The following CTNNA3 variants were observed in gnomAD, a reference collection of about 807,000 sequenced individuals.
CTNNA3 encodes the protein catenin alpha-3.
Under a neutral mutation model 95.7 loss-of-function variants are expected in CTNNA3, and 76 were observed. That is an observed-to-expected ratio of 0.79 (90% confidence interval 0.66 to 0.96). The LOEUF is 0.96. Among genes scored for constraint, CTNNA3 ranks in the 40% least tolerant of loss-of-function variants. The probability of loss-of-function intolerance (pLI) is 0.00; values close to 1 mark genes in which losing one functional copy is unlikely to be tolerated. For synonymous variants in CTNNA3, 431 were observed against 374.4 expected, an observed-to-expected ratio of 1.15 and a Z score of -1.74; for missense variants, 1,191 against 1,089.8, an observed-to-expected ratio of 1.09 and a Z score of -1.31.
chr10:66,064,474 T>C (rs190376514), intron 15 of CTNNA3, among the ~76,000 whole-genome samples: 9 of 152,322 alleles, frequency 5.9e-5, no homozygotes, highest in East Asian at 1.9e-4. Context: ...TTTCTGATTA[T>C]GCAATTTGAA....
At chr10:67,230,161 A>G (rs1865120915) in intron 5 of CTNNA3, among the ~76,000 whole-genome samples, 1 of 152,224 alleles carries the variant, frequency 6.6e-6, no homozygotes, top group South Asian at 2.1e-4. Context: ...ACCCAGAAAT[A>G]AACCCAAATA....
chr10:66,203,400 T>C (rs2087559422), intron 13 of CTNNA3, among the ~76,000 whole-genome samples: 1 of 152,150 alleles, frequency 6.6e-6, no homozygotes, highest in Admixed American at 6.5e-5. Context: ...TATTTCTGAA[T>C]AGTGATAAGC....
intron 13 of CTNNA3, among the ~76,000 whole-genome samples, chr10:66,235,872 A>G (rs910094425): frequency 6.6e-6 from 1 of 152,180 alleles, no homozygotes; most frequent in Non-Finnish European, 1.5e-5. Flanking sequence ...GAATGCTCAT[A>G]TACATTGAAT....
chr10:66,745,192 T>C (rs1838811011), intron 9 of CTNNA3, among the ~76,000 whole-genome samples: 1 of 152,194 alleles, frequency 6.6e-6, no homozygotes, highest in African/African-American at 2.4e-5. Flanking sequence ...TAACATCTTA[T>C]TTGTTAGCTT....
intron 5 of CTNNA3, among the ~76,000 whole-genome samples, chr10:67,301,661 T>C (rs1840277756): frequency 1.3e-5 from 2 of 152,050 alleles, no homozygotes. Flanking sequence ...GGAATGCAAT[T>C]TTGCCTTTAA....
chr10:67,244,616 T>TCA (rs1865841926), intron 5 of CTNNA3, among the ~76,000 whole-genome samples: 1 of 152,186 alleles, frequency 6.6e-6, no homozygotes, highest in African/African-American at 2.4e-5. Flanking sequence ...TCAGAAATTG[T>TCA]TAGATAATGA....
rs891519374 is a variant in CTNNA3 at position 67,321,923 on chromosome 10, T to C, written c.580-102053A>G. Among the ~76,000 whole-genome samples the C allele has an allele frequency of 2.0e-5, 3 of 152,248 alleles. No homozygotes were observed. In the South Asian group the frequency reaches 6.2e-4, roughly 32 times the overall value. The stretch of plus-strand genomic sequence containing the variant: ...TTGCTCAGGTGGAATATTTGTGTCA[T>C]ATTAATATTTATTTTTCACCTCCCT... On this transcript the variant is annotated intron_variant, in intron 5 of 17. Transcript: ENST00000433211.
At chr10:67,508,019 TG>T (rs1839482353) in intron 5 of CTNNA3, among the ~76,000 whole-genome samples, 1 of 152,138 alleles carries the variant, frequency 6.6e-6, no homozygotes, top group South Asian at 2.1e-4. Context: ...TTTTGTTGTT[TG>T]TTTGTTTGTT....
chr10:67,188,210 G>T (rs532676726), intron 6 of CTNNA3, among the ~76,000 whole-genome samples: 85 of 152,238 alleles, frequency 5.6e-4, no homozygotes, highest in Non-Finnish European at 1.0e-3. Context: ...TAAAGGCAAA[G>T]TAGGGCTAAG....
chr10:66,543,424 A>G (rs1351062609), intron 10 of CTNNA3, among the ~76,000 whole-genome samples: 1 of 152,172 alleles, frequency 6.6e-6, no homozygotes, highest in Non-Finnish European at 1.5e-5. Flanking sequence ...CTATGCAGCC[A>G]TGAAAAATTA....
chr10:66,531,825 G>A (rs1364862565), intron 10 of CTNNA3, among the ~76,000 whole-genome samples: 2 of 151,890 alleles, frequency 1.3e-5, no homozygotes, highest in Non-Finnish European at 2.9e-5. Flanking sequence ...ACAGTTTAAA[G>A]TAATAAAAAT....
intron 10 of CTNNA3, among the ~76,000 whole-genome samples, chr10:66,582,919 T>C (rs1283063147): frequency 6.6e-6 from 1 of 151,878 alleles, no homozygotes; most frequent in Non-Finnish European, 1.5e-5. Context: ...AAAAAAATTC[T>C]GTTTATCTGA....
intron 13 of CTNNA3, among the ~76,000 whole-genome samples, chr10:66,208,613 A>T (rs2087919071): frequency 6.6e-6 from 1 of 152,114 alleles, no homozygotes; most frequent in African/African-American, 2.4e-5. Context: ...AAAGGAACTT[A>T]AAAAGAAGAG....
intron 17 of CTNNA3, among the ~76,000 whole-genome samples, chr10:65,948,233 A>T (rs1387637576): frequency 1.3e-5 from 2 of 149,144 alleles, no homozygotes; most frequent in African/African-American, 2.5e-5. Context: ...GTGAGCCGAG[A>T]TCATGCCACT....
At chr10:67,704,765 A>G (rs1444028108) in intron 1 of CTNNA3, among the ~76,000 whole-genome samples, 4 of 152,206 alleles carry the variant, frequency 2.6e-5, no homozygotes, top group Admixed American at 6.5e-5. Context: ...ACAAAAGCCA[A>G]AATTGACAAA....
chr10:67,486,217 C>T (rs564524879), intron 5 of CTNNA3, among the ~76,000 whole-genome samples: 4 of 152,250 alleles, frequency 2.6e-5, no homozygotes, highest in Non-Finnish European at 4.4e-5. Flanking sequence ...AATACATAGG[C>T]GTGCTGGATG....
At position 65,958,555 on chromosome 10, in the gene CTNNA3, G is replaced by A. The variant is rs190651611; in HGVS notation, c.2400+8057C>T. Among the ~76,000 whole-genome samples, 1,001 of 152,198 alleles carry A rather than the reference G, an allele frequency of 6.6e-3. 4 individuals are homozygous for A. The highest frequency in any genetic ancestry group is 0.01 in the Non-Finnish European group (698 of 68,032). On this transcript the variant is annotated intron_variant, in intron 17 of 17. Coordinates refer to ENST00000433211, the MANE Select transcript of CTNNA3 (RefSeq NM_013266.4). The stretch of plus-strand genomic sequence containing the variant: ...ACCTTTGGTCTTTGATGATGGTGAC[G>A]TACAGATGGGGTTTTGGTGTGGATG...
chr10:66,996,649 C>CAAAAAAAAAAAAAAAAAAAA lies in CTNNA3; in HGVS notation c.1047+183648_1047+183667dup, dbSNP rs57025097. 3.0e-4 allele frequency among the ~76,000 whole-genome samples: 20 copies of CAAAAAAAAAAAAAAAAAAAA among 67,638 alleles called. 3 individuals are homozygous for CAAAAAAAAAAAAAAAAAAAA. The highest frequency in any genetic ancestry group is 0.016 in the Middle Eastern group (1 of 64). 44.4% of individuals were successfully genotyped at this position (67,638 alleles called of 152,430 possible). On this transcript the variant is annotated intron_variant, in intron 7 of 17. Transcript: ENST00000433211. ...GTGAGAGAGTGAGACTCCGTCTCTA[C>CAAAAAAAAAAAAAAAAAAAA]AAAAAAAAAAAAAAAAAAAAAAGCA...
At chr10:67,601,932 C>A (rs900362411) in intron 3 of CTNNA3, among the ~76,000 whole-genome samples, 1 of 152,158 alleles carries the variant, frequency 6.6e-6, no homozygotes, top group Non-Finnish European at 1.5e-5. Flanking sequence ...AAAATACCCA[C>A]ATTATTTATC....
Sources: allele counts gnomAD v4.1 joint callset (sites outside exome capture counted in the v4.1 genomes callset), GRCh38; gene constraint gnomAD v4.1.1; transcripts MANE v1.5; gene names NCBI Gene and HGNC (gene_info 2026-07-23, HGNC 2026-07-21).